The following SUSD1 variants were observed in gnomAD, a reference collection of about 807,000 sequenced individuals.
SUSD1 encodes the protein sushi domain containing 1, also known as sushi domain-containing protein 1.
Under a neutral mutation model 86.9 loss-of-function variants are expected in SUSD1, and 65 were observed. The observed-to-expected ratio is 0.75, with a 90% confidence interval of 0.61 to 0.92. The LOEUF is 0.92. SUSD1 is among the 40% of genes least tolerant of loss of function. The pLI, the probability that SUSD1 is intolerant of heterozygous loss-of-function variation, is 0.00. For missense variants in SUSD1, 850 were observed against 929.7 expected, an observed-to-expected ratio of 0.91 and a Z score of 1.11; for synonymous variants, 346 against 350.0, an observed-to-expected ratio of 0.99 and a Z score of 0.13.
chr9:112,170,710 T>TATATATATATATAGAGAG (rs758442726), intron 1 of SUSD1, among the ~76,000 whole-genome samples: 86 of 113,818 alleles, frequency 7.6e-4, no homozygotes, highest in African/African-American at 2.5e-3. Context: ...TATATATATA[T>TATATATATATATAGAGAG]AGAGAGAGAG....
rs1400473060 is a variant in SUSD1 at position 112,149,263 on chromosome 9, G to T, written c.354C>A (p.Asn118Lys). ...ATNNNKTFIP[N>K]DGTFCTDIDE... ...GAGTACCTGTACAAAAGGTGCCATC[G>T]TTGGGAATGAATGTCTTGTTGTTGT... The change falls in exon 3 of 17, where the codon AAC becomes AAA. Residue 118 changes from asparagine (N) to lysine (K), a missense_variant. Physicochemically the swap from Asn to Lys is moderately conservative, Grantham distance 94. Transcript: ENST00000374270. 1.2e-6 allele frequency: 2 copies of T among 1,614,150 alleles called. No individual in the cohort carries two copies. The highest frequency in any genetic ancestry group is 2.2e-5 in the East Asian group (1 of 44,886).
rs1422970206 is a variant in SUSD1 at position 112,149,415 on chromosome 9, C to G, written c.218-16G>C. On this transcript the variant is annotated splice_polypyrimidine_tract_variant and intron_variant, in intron 2 of 16. Coordinates refer to ENST00000374270, the MANE Select transcript of SUSD1 (RefSeq NM_022486.5). Reference sequence around the variant, plus strand: ...TCATTTTTATCTGTTGACACACAGACAAGGCACCGGAAGAGCTATCAATCC... The same window carrying G: ...TCATTTTTATCTGTTGACACACAGAGAAGGCACCGGAAGAGCTATCAATCC... The G allele has an allele frequency of 1.9e-6, 3 of 1,612,358 alleles. No homozygotes were observed. Among genetic ancestry groups the G allele is most frequent in the Non-Finnish European group, 2.5e-6 (3 of 1,179,216 alleles).
intron 16 of SUSD1, 44 bp downstream of exon 16, chr9:112,041,823 C>A (rs1271486106): frequency 1.9e-6 from 3 of 1,574,692 alleles, no homozygotes; most frequent in African/African-American, 2.7e-5. Context: ...GACCCATCCT[C>A]CCCTCCATTC....
At chr9:112,120,411 G>T (rs1466046500) in intron 6 of SUSD1, among the ~76,000 whole-genome samples, 1 of 152,142 alleles carries the variant, frequency 6.6e-6, no homozygotes, top group African/African-American at 2.4e-5. Flanking sequence ...CTGAGCAAGA[G>T]CCATGGTAAT....
chr9:112,163,632 T>C (rs1277894381), intron 1 of SUSD1, among the ~76,000 whole-genome samples: 1 of 151,904 alleles, frequency 6.6e-6, no homozygotes, highest in Non-Finnish European at 1.5e-5. Flanking sequence ...AGCTAGACTG[T>C]CTCTTTAAAA....
rs765774346 is a variant in SUSD1, at chr9:112,058,601, C to T, written c.1936G>A (p.Ala646Thr). The stretch of plus-strand genomic sequence containing the variant: ...GCCACGTATCCATCAGCATCAGAGG[C>T]GTTGCTAAAGAAGGAGGAAGCGCCT... ...SEGASSFFSN[A>T]SDADGYVAAE... Residue 646 changes from alanine to threonine, a missense_variant, in exon 14 of 17, where the codon GCC (alanine) becomes ACC (threonine). By Grantham distance (58) the Ala-to-Thr change is moderately conservative. Transcript: ENST00000374270. The T allele has an allele frequency of 2.2e-5, 36 of 1,613,932 alleles. No individual in the cohort carries two copies. The highest frequency in any genetic ancestry group is 8.0e-5 in the African/African-American group (6 of 74,856).
At position 112,143,564 on chromosome 9, in the gene SUSD1, G is replaced by C. The variant is rs562402030; in HGVS notation, c.433C>G (p.His145Asp). Residue 145 changes from histidine (H) to aspartate (D), a missense_variant, in exon 4 of 17, where the codon CAT becomes GAT. Transcript: ENST00000374270. ...ATACAGTAGCATTCAAAGCTCCCAT[G>C]AGTGTTCACGCATCGCCCTCCATGC... is the stretch of plus-strand genomic sequence containing the variant. ...CRHGGRCVNTHGSFECYCMDG... is the reference protein window; with the variant it reads ...CRHGGRCVNTDGSFECYCMDG... 2 of 1,613,936 alleles carry C rather than the reference G, an allele frequency of 1.2e-6. No homozygotes were observed. The highest frequency in any genetic ancestry group is 2.7e-5 in the African/African-American group (2 of 74,894).
chr9:112,096,644 A>G (rs1308433218), intron 10 of SUSD1, among the ~76,000 whole-genome samples: 1 of 152,056 alleles, frequency 6.6e-6, no homozygotes, highest in Non-Finnish European at 1.5e-5. Flanking sequence ...GACTCAAGAG[A>G]TTCTCCCACC....
intron 10 of SUSD1, among the ~76,000 whole-genome samples, chr9:112,086,055 A>C (rs1176311483): frequency 6.6e-6 from 1 of 152,144 alleles, no homozygotes; most frequent in Non-Finnish European, 1.5e-5. Context: ...TGTAATCCCA[A>C]TACTTTGAGA....
intron 15 of SUSD1, among the ~76,000 whole-genome samples, chr9:112,045,372 T>C (rs1485763093): frequency 6.6e-6 from 1 of 152,240 alleles, no homozygotes; most frequent in Non-Finnish European, 1.5e-5. Context: ...ATCCATATCA[T>C]GCATATTCTT....
At chr9:112,054,365 G>C (rs539897620) in intron 14 of SUSD1, among the ~76,000 whole-genome samples, 5 of 152,070 alleles carry the variant, frequency 3.3e-5, no homozygotes, top group African/African-American at 1.2e-4. Context: ...TAGGAGAAGC[G>C]CTTAAGCCCA....
intron 15 of SUSD1, among the ~76,000 whole-genome samples, chr9:112,046,017 A>T (rs2118845442): frequency 6.6e-6 from 1 of 152,338 alleles, no homozygotes; most frequent in South Asian, 2.1e-4. Flanking sequence ...CTTACTCTAG[A>T]CATAGTATTG....
chr9:112,153,711 T>C (rs1833169638), intron 2 of SUSD1, among the ~76,000 whole-genome samples: 1 of 151,780 alleles, frequency 6.6e-6, no homozygotes, highest in South Asian at 2.1e-4. Flanking sequence ...CCTCCTGGGT[T>C]CAAGCAATTC....
At chr9:112,073,460 GCTCA>G (rs1010216506) in intron 12 of SUSD1, among the ~76,000 whole-genome samples, 7 of 151,776 alleles carry the variant, frequency 4.6e-5, no homozygotes, top group African/African-American at 1.5e-4. Context: ...GCTTTCTCAC[GCTCA>G]CTCTCTCTCT....
In SUSD1 at chr9:112,058,473, C is replaced by T. The variant is rs375806079; in HGVS notation, c.2064G>A (p.Gly688=). Residue 688 remains glycine (G), a synonymous_variant, in exon 14 of 17, where the codon GGG becomes GGA. Coordinates refer to ENST00000374270, the MANE Select transcript of SUSD1 (RefSeq NM_022486.5). ...TTCGTAATATAATGCAGTAATCACT[C>T]CCTCTTTTCAAGGGTGCATTATAAT... ...GEYYNAPLKR[G]SDYCIILRIT... is the part of the protein sequence containing the mutation. The T allele has an allele frequency of 1.4e-5, 23 of 1,614,012 alleles. No individual in the cohort carries two copies. The highest frequency in any genetic ancestry group is 3.3e-4 in the Middle Eastern group (2 of 6,084).
chr9:112,096,984 G>A (rs1435344476), intron 10 of SUSD1, among the ~76,000 whole-genome samples: 1 of 151,734 alleles, frequency 6.6e-6, no homozygotes, highest in Non-Finnish European at 1.5e-5. Flanking sequence ...AAACTCTGCT[G>A]ATACAGACAG....
At chr9:112,061,037 T>C (rs769783847) in intron 13 of SUSD1, among the ~76,000 whole-genome samples, 1 of 152,190 alleles carries the variant, frequency 6.6e-6, no homozygotes, top group Non-Finnish European at 1.5e-5. Flanking sequence ...ACCGACCTAC[T>C]GAATCGAAAT....
At chr9:112,172,441 T>G (rs907568424) in intron 1 of SUSD1, among the ~76,000 whole-genome samples, 9 of 152,176 alleles carry the variant, frequency 5.9e-5, no homozygotes, top group Admixed American at 6.5e-5. Context: ...TCGACTTGCA[T>G]CTACCATCTA....
At chr9:112,062,637 G>A (rs1828779701) in intron 13 of SUSD1, among the ~76,000 whole-genome samples, 1 of 152,180 alleles carries the variant, frequency 6.6e-6, no homozygotes, top group African/African-American at 2.4e-5. Context: ...GGAGGTTGCA[G>A]TGAGCTGAGA....
Sources: gnomAD v4.1 joint callset for allele counts (sites outside exome capture counted in the v4.1 genomes callset) on GRCh38, gnomAD v4.1.1 for gene constraint, MANE v1.5 for transcripts, NCBI Gene and HGNC (gene_info 2026-07-23, HGNC 2026-07-21) for gene names.